Variants in ARHGAP42 observed in about 807,000 individuals in gnomAD.
ARHGAP42 encodes Rho GTPase activating protein 42.
A neutral mutation model predicts 125.0 loss-of-function variants in ARHGAP42; 63 were observed. That is an observed-to-expected ratio of 0.50 (90% CI 0.41 to 0.62). The LOEUF (loss-of-function observed/expected upper bound fraction) is 0.62, where lower values mean the gene tolerates loss of function less well. Ranked by LOEUF, ARHGAP42 falls within the 20% of genes least tolerant of loss-of-function variation. ARHGAP42 has a pLI of 0.00. For synonymous variants in ARHGAP42, 339 were observed against 351.0 expected (o/e 0.97, Z 0.38); for missense variants, 766 against 1,024.2 (o/e 0.75, Z 3.44).
chr11:100,860,727 T>C (rs1865426832), intron 4 of ARHGAP42, among the ~76,000 whole-genome samples: 3 of 152,186 alleles, frequency 2.0e-5, no homozygotes, highest in Admixed American at 2.0e-4. Context: ...AGAACCTATT[T>C]GGTTTCCTTT....
At chr11:100,752,089 C>T (rs1447343209) in intron 1 of ARHGAP42, among the ~76,000 whole-genome samples, 2 of 152,060 alleles carry the variant, frequency 1.3e-5, no homozygotes, top group African/African-American at 4.8e-5. Context: ...CCAACAGGTA[C>T]CTTTTTTTCA....
chr11:100,767,511 C>A (rs1029070227), intron 1 of ARHGAP42, among the ~76,000 whole-genome samples: 9 of 152,142 alleles, frequency 5.9e-5, no homozygotes, highest in African/African-American at 2.2e-4. Flanking sequence ...AAACAGATTA[C>A]CTTTTTCAGT....
intron 2 of ARHGAP42, among the ~76,000 whole-genome samples, chr11:100,780,221 G>A (rs1863272672): frequency 6.6e-6 from 1 of 151,934 alleles, no homozygotes; most frequent in Non-Finnish European, 1.5e-5. Flanking sequence ...AGGATAAGGT[G>A]GTAAACCCCT....
Position 100,835,415 on chromosome 11 carries a change from C to T in ARHGAP42, c.313-24139C>T, listed in dbSNP as rs191399333. Among the ~76,000 whole-genome samples the T allele has an allele frequency of 2.0e-5, 3 of 152,256 alleles. No homozygotes were observed. In the East Asian group the frequency reaches 5.8e-4, roughly 29 times the overall value. ...AGGTGTCCTTGACTTTGTACCTTAA[C>T]ATATTTATATATGAGTTTTGTCGTG... On this transcript the variant is annotated intron_variant, in intron 3 of 23. Transcript: ENST00000298815.
At chr11:100,736,324 C>T (rs752646062) in intron 1 of ARHGAP42, among the ~76,000 whole-genome samples, 5 of 152,118 alleles carry the variant, frequency 3.3e-5, no homozygotes, top group Admixed American at 1.3e-4. Context: ...GGATGCATGC[C>T]GGGGGCTTCC....
At position 100,770,436 on chromosome 11, in the gene ARHGAP42, T is replaced by C. The variant is rs1418756680; in HGVS notation, c.248T>C (p.Ile83Thr). 1.8e-5 allele frequency: 28 copies of C among 1,541,830 alleles called. No homozygotes were observed. Among genetic ancestry groups the C allele is most frequent in the Non-Finnish European group, 2.3e-5 (26 of 1,139,194 alleles). Reference protein sequence around the residue: ...GDAETDDEISIAQSLKEFARL... With the variant: ...GDAETDDEISTAQSLKEFARL... Reference sequence around the variant, plus strand: ...GCTGAAACAGATGATGAAATTAGTATTGGTAAGTACTACTGTTTTAGAAAG... The same window carrying C: ...GCTGAAACAGATGATGAAATTAGTACTGGTAAGTACTACTGTTTTAGAAAG... Residue 83 changes from isoleucine to threonine, a missense_variant and splice_region_variant, in exon 2 of 24, where the codon ATT (isoleucine) becomes ACT (threonine). Around this residue, in one of 3 missense-constraint regions of ARHGAP42, gnomAD observed 455 missense variants for 636.5 expected, o/e 0.71. Transcript: ENST00000298815.
At chr11:100,733,929 T>C (rs1342397124) in intron 1 of ARHGAP42, among the ~76,000 whole-genome samples, 2 of 146,050 alleles carry the variant, frequency 1.4e-5, no homozygotes, top group African/African-American at 5.0e-5. Flanking sequence ...AAAGCAAAGT[T>C]GTTTTTTTTT....
At chr11:100,916,463 CAGGCATTGACTA>C (rs1248916485) in intron 5 of ARHGAP42, among the ~76,000 whole-genome samples, 1 of 152,078 alleles carries the variant, frequency 6.6e-6, no homozygotes, top group Non-Finnish European at 1.5e-5. Context: ...AGAAGGCAAA[CAGGCATTGACTA>C]AGGAGGAAAT....
chr11:100,974,747 T>C (rs1858345038), intron 19 of ARHGAP42, 144 bp downstream of exon 19: 4 of 971,290 alleles, frequency 4.1e-6, no homozygotes, highest in Admixed American at 6.2e-5. Context: ...TTGTATATTC[T>C]CTGTCAATAG....
At chr11:100,850,873 C>CTT (rs201814102) in intron 3 of ARHGAP42, among the ~76,000 whole-genome samples, 13 of 94,518 alleles carry the variant, frequency 1.4e-4, no homozygotes, top group Non-Finnish European at 1.8e-4. Flanking sequence ...TAGTAGCTTT[C>CTT]TTTTTTTTTT....
At chr11:100,845,402 A>G (rs1865041384) in intron 3 of ARHGAP42, among the ~76,000 whole-genome samples, 1 of 152,140 alleles carries the variant, frequency 6.6e-6, no homozygotes, top group Non-Finnish European at 1.5e-5. Context: ...GATACAGTGT[A>G]TACTGCTTGG....
chr11:100,920,026 G>A (rs992121944), intron 5 of ARHGAP42, among the ~76,000 whole-genome samples: 67 of 152,150 alleles, frequency 4.4e-4, no homozygotes, highest in Admixed American at 4.4e-3. Context: ...TGTATATAGT[G>A]TGTTCCAATA....
chr11:100,878,871 C>A (rs987314232), intron 4 of ARHGAP42, among the ~76,000 whole-genome samples: 1 of 151,802 alleles, frequency 6.6e-6, no homozygotes, highest in Non-Finnish European at 1.5e-5. Context: ...CAAGCTTATT[C>A]TTTGGGGAGT....
chr11:100,710,015 C>T (rs1242244438), intron 1 of ARHGAP42, among the ~76,000 whole-genome samples: 1 of 151,894 alleles, frequency 6.6e-6, no homozygotes, highest in African/African-American at 2.4e-5. Context: ...TCAGCGGGGT[C>T]GGGGGGGCAT....
intron 1 of ARHGAP42, among the ~76,000 whole-genome samples, chr11:100,750,667 G>C (rs571553239): frequency 2.0e-4 from 30 of 151,990 alleles, no homozygotes; most frequent in Non-Finnish European, 4.1e-4. Context: ...CGGGAAAAAT[G>C]GTTATGGCAG....
At chr11:100,709,927 G>T (rs1295702137) in intron 1 of ARHGAP42, among the ~76,000 whole-genome samples, 1 of 152,130 alleles carries the variant, frequency 6.6e-6, no homozygotes. Flanking sequence ...CTGTTATCCT[G>T]AAATGAAGCC....
At chr11:100,778,134 CT>C (rs1275074457) in intron 2 of ARHGAP42, among the ~76,000 whole-genome samples, 1 of 151,864 alleles carries the variant, frequency 6.6e-6, no homozygotes, top group East Asian at 1.9e-4. Context: ...GATCACACCA[CT>C]GTACTGCAGC....
chr11:100,920,573 T>C (rs1867210830), intron 5 of ARHGAP42, among the ~76,000 whole-genome samples: 2 of 152,094 alleles, frequency 1.3e-5, no homozygotes, highest in South Asian at 4.1e-4. Context: ...ACAAGGAAGG[T>C]AGAGGTGGGC....
chr11:100,949,893 T>C (rs1868130047), intron 11 of ARHGAP42, 24 bp from the exon 12 acceptor site: 1 of 1,431,044 alleles, frequency 7.0e-7, no homozygotes, highest in East Asian at 2.6e-5. Flanking sequence ...TGGAAGTAAC[T>C]AATGGACATC....
Sources: allele counts gnomAD v4.1 joint callset (sites outside exome capture counted in the v4.1 genomes callset), GRCh38; gene constraint gnomAD v4.1.1; regional missense constraint gnomAD v4.1.1; transcripts MANE v1.5; gene names NCBI Gene and HGNC (gene_info 2026-07-23, HGNC 2026-07-21).